CCDC38: variants seen among roughly 807,000 people sequenced by gnomAD.
CCDC38 encodes the protein coiled-coil domain containing 38, also known as coiled-coil domain-containing protein 38.
CCDC38 carries 69 observed loss-of-function variants against 72.8 expected under a neutral mutation model. That is an observed-to-expected ratio of 0.95 (90% CI 0.78 to 1.16). CCDC38 has a LOEUF of 1.16. CCDC38 is among the 50% of genes most tolerant of loss of function. The pLI, the probability that CCDC38 is intolerant of heterozygous loss-of-function variation, is 0.00. For synonymous variants in CCDC38, 201 were observed against 213.2 expected (o/e 0.94, Z 0.50); for missense variants, 626 against 638.9 (o/e 0.98, Z 0.22).
chr12:95,917,678 G>A (rs2080160348), intron 3 of CCDC38, among the ~76,000 whole-genome samples: 2 of 151,956 alleles, frequency 1.3e-5, no homozygotes, highest in African/African-American at 4.8e-5. Flanking sequence ...TTCAAGACCA[G>A]CCTGATCAAG....
intron 2 of CCDC38, chr12:95,934,102 G>A (rs2080366117): frequency 6.6e-6 from 1 of 151,954 alleles, no homozygotes; most frequent in Admixed American, 6.6e-5. Context: ...TAGTCAACAA[G>A]ATATACTTTT....
chr12:95,905,491 T>G (rs112964570), intron 5 of CCDC38, among the ~76,000 whole-genome samples: 47 of 152,334 alleles, frequency 3.1e-4, no homozygotes, highest in Non-Finnish European at 6.2e-4. Flanking sequence ...GCCATCAGGT[T>G]CTATTTATAA....
At chr12:95,890,265 T>C (rs1036799245) in intron 9 of CCDC38, among the ~76,000 whole-genome samples, 1 of 152,176 alleles carries the variant, frequency 6.6e-6, no homozygotes, top group Non-Finnish European at 1.5e-5. Flanking sequence ...ACCAAAACAC[T>C]GGGGCCAGAT....
chr12:95,932,445 A>G (rs1321732522), intron 2 of CCDC38, among the ~76,000 whole-genome samples: 2 of 151,770 alleles, frequency 1.3e-5, no homozygotes, highest in Admixed American at 1.3e-4. Context: ...GTTTTTTCTT[A>G]AATCATATTT....
At chr12:95,941,989 G>T (rs1364177010) in intron 1 of CCDC38, among the ~76,000 whole-genome samples, 1 of 151,456 alleles carries the variant, frequency 6.6e-6, no homozygotes, top group Non-Finnish European at 1.5e-5. Flanking sequence ...ATTTATCGTG[G>T]TCATCTAAAG....
chr12:95,908,147 G>A (rs2080033749), intron 4 of CCDC38, among the ~76,000 whole-genome samples: 2 of 151,798 alleles, frequency 1.3e-5, no homozygotes, highest in Admixed American at 1.3e-4. Flanking sequence ...CCGAGATCAC[G>A]CCACTGCACT....
At chr12:95,898,982 G>A (rs1434370808) in intron 5 of CCDC38, among the ~76,000 whole-genome samples, 1 of 152,158 alleles carries the variant, frequency 6.6e-6, no homozygotes, top group Non-Finnish European at 1.5e-5. Flanking sequence ...ATAAAAAATA[G>A]CTGCATATTC....
At chr12:95,890,631 C>G (rs576748216) in intron 9 of CCDC38, among the ~76,000 whole-genome samples, 72 of 152,292 alleles carry the variant, frequency 4.7e-4, no homozygotes, top group African/African-American at 1.7e-3. Context: ...TCCTCTGATT[C>G]TCTGCCTATT....
chr12:95,890,675 T>C (rs771653627), intron 9 of CCDC38, among the ~76,000 whole-genome samples, 157 bp downstream of exon 9: 2 of 152,206 alleles, frequency 1.3e-5, no homozygotes, highest in Non-Finnish European at 2.9e-5. Flanking sequence ...CATTTTGTGA[T>C]AACGTGAGAG....
At chr12:95,936,085 AG>A (rs1427485701) in intron 2 of CCDC38, among the ~76,000 whole-genome samples, 1 of 152,132 alleles carries the variant, frequency 6.6e-6, no homozygotes, top group East Asian at 1.9e-4. Flanking sequence ...TCTCAAAAAA[AG>A]TAATTAATTA....
At chr12:95,897,746 G>A (rs1249096424) in intron 7 of CCDC38, among the ~76,000 whole-genome samples, 1 of 151,390 alleles carries the variant, frequency 6.6e-6, no homozygotes, top group Non-Finnish European at 1.5e-5. Context: ...TCTCTTTATA[G>A]ATCTTAGTTT....
At chr12:95,883,173 T>C (rs1316191209) in intron 10 of CCDC38, among the ~76,000 whole-genome samples, 2 of 152,232 alleles carry the variant, frequency 1.3e-5, no homozygotes, top group Non-Finnish European at 2.9e-5. Context: ...ACCTGAATTG[T>C]GACAATAGAC....
At chr12:95,907,280 C>G (rs1444414783) in intron 4 of CCDC38, among the ~76,000 whole-genome samples, 8 of 142,800 alleles carry the variant, frequency 5.6e-5, no homozygotes, top group African/African-American at 8.0e-5. Context: ...ACCTTTCCCC[C>G]CTTTCTATTC....
chr12:95,908,298 C>CA (rs1419881518), intron 4 of CCDC38, among the ~76,000 whole-genome samples: 5 of 150,838 alleles, frequency 3.3e-5, no homozygotes, highest in African/African-American at 1.2e-4. Flanking sequence ...CGTCTCCACC[C>CA]AAAAAATAGG....
chr12:95,899,037 C>T (rs2079923701), intron 5 of CCDC38, among the ~76,000 whole-genome samples: 2 of 152,148 alleles, frequency 1.3e-5, no homozygotes, highest in Admixed American at 6.5e-5. Flanking sequence ...GTGTATTACC[C>T]TCCAGTACTT....
intron 10 of CCDC38, among the ~76,000 whole-genome samples, chr12:95,884,975 C>T (rs1473638182): frequency 6.6e-6 from 1 of 152,154 alleles, no homozygotes; most frequent in Non-Finnish European, 1.5e-5. Context: ...TAACACAATT[C>T]CCATCATAAT....
At chr12:95,936,419 G>T in intron 2 of CCDC38, 54 bp downstream of exon 2, 1 of 1,514,554 alleles carries the variant, frequency 6.6e-7, no homozygotes, top group African/African-American at 1.4e-5. Context: ...AATCTGTTAT[G>T]GAGCCTAACA....
At chr12:95,919,778 T>C (rs1384369617) in intron 2 of CCDC38, 2 of 359,428 alleles carry the variant, frequency 5.6e-6, no homozygotes, top group South Asian at 2.1e-5. Context: ...CCACTACCCT[T>C]AGGGAGAGCC....
chr12:95,906,801 TTTATTTA>T, intron 4 of CCDC38, among the ~76,000 whole-genome samples: 1 of 640 alleles, frequency 1.6e-3, no homozygotes, highest in East Asian at 0.5. Flanking sequence ...AAGATTTCTT[TTTATTTA>T]TTTATTTATT....
Sources: gnomAD v4.1 joint callset for allele counts (sites outside exome capture counted in the v4.1 genomes callset) on GRCh38, gnomAD v4.1.1 for gene constraint, MANE v1.5 for transcripts, NCBI Gene and HGNC (gene_info 2026-07-23, HGNC 2026-07-21) for gene names.